TEAD4: variants seen among roughly 807,000 people sequenced by gnomAD.
TEAD4 encodes the protein transcriptional enhancer factor TEF-3.
TEAD4 carries 36 observed loss-of-function variants against 52.4 expected under a neutral mutation model. The observed-to-expected ratio is 0.69, with a 90% confidence interval of 0.53 to 0.91. TEAD4 has a LOEUF of 0.91. TEAD4 is among the 40% of genes least tolerant of loss of function. TEAD4 has a pLI of 0.00. For missense variants in TEAD4, 508 were observed against 583.9 expected (o/e 0.87, Z 1.34); for synonymous variants, 220 against 231.0 (o/e 0.95, Z 0.43).
Position 2,972,439 on chromosome 12 carries a change from G to T in TEAD4, c.-30+12399G>T, listed in dbSNP as rs117527310. On this transcript the variant is annotated intron_variant, in intron 2 of 12. Coordinates refer to ENST00000359864, the MANE Select transcript of TEAD4 (RefSeq NM_003213.4). ...TAGGCCCTCTGGGCAGGATAAGAAG[G>T]TCTTATTTTACGTTCATTTTTTACG... Among the ~76,000 whole-genome samples, 78 of 147,288 alleles carry T rather than the reference G, an allele frequency of 5.3e-4. No individual in the cohort carries two copies. The East Asian group carries it at 0.015, about 29-fold the overall frequency.
At chr12:2,980,593 C>T (rs2098233375) in intron 2 of TEAD4, among the ~76,000 whole-genome samples, 9 of 152,040 alleles carry the variant, frequency 5.9e-5, no homozygotes, top group Admixed American at 5.9e-4. Flanking sequence ...ATTAGCTGGG[C>T]ATGGTGGTGC....
rs71057876 is a variant in TEAD4, at chr12:2,990,461, CTTTTTTTTTTTT to C, written c.-29-4261_-29-4250del. 9.8e-4 allele frequency among the ~76,000 whole-genome samples: 66 copies of C among 67,040 alleles called. 1 individual carries two copies. The highest frequency in any genetic ancestry group is 1.2e-3 in the East Asian group (2 of 1,730). The allele number at this position is 67,040 out of a possible 152,430, so 44.0% of individuals were successfully genotyped here. A position where few individuals can be genotyped will look rare whatever the true frequency, so the allele number is the denominator to read the frequency against. On this transcript the variant is annotated intron_variant, in intron 2 of 12. Coordinates refer to ENST00000359864, the MANE Select transcript of TEAD4 (RefSeq NM_003213.4). The stretch of plus-strand genomic sequence containing the variant: ...TAGAATTTAGGCTAAGACAGATAAT[CTTTTTTTTTTTT>C]TTTTTTTTTTTTTTTGAGATGGAGT...
chr12:2,967,614 T>A (rs1323427863), intron 2 of TEAD4, among the ~76,000 whole-genome samples: 2 of 152,142 alleles, frequency 1.3e-5, no homozygotes, highest in Non-Finnish European at 2.9e-5. Context: ...TCTTCATTCA[T>A]GTTGAGGGAA....
intron 2 of TEAD4, among the ~76,000 whole-genome samples, chr12:2,990,145 G>A (rs1894790): frequency 0.96 from 145,811 of 152,274 alleles, 70,137 homozygotes; most frequent in Middle Eastern, 1. Context: ...CCAACCATTG[G>A]GTTTTTAATT....
Position 3,010,606 on chromosome 12 carries a change from G to A in TEAD4, c.227-398G>A, listed in dbSNP as rs549812000. The stretch of plus-strand genomic sequence containing the variant: ...CACGGTGGCAGTCACACAGGGCAAG[G>A]CCGAGGGCCGGGCAGCTCCCTGGAG... On this transcript the variant is annotated intron_variant, in intron 3 of 12. Transcript: ENST00000359864. 3.9e-5 allele frequency among the ~76,000 whole-genome samples: 6 copies of A among 152,332 alleles called. No homozygotes were observed. The South Asian group carries it at 1.0e-3, about 26-fold the overall frequency.
intron 2 of TEAD4, among the ~76,000 whole-genome samples, chr12:2,985,581 C>G (rs1173173168): frequency 2.2e-5 from 3 of 134,232 alleles, no homozygotes; most frequent in Non-Finnish European, 4.6e-5. Context: ...TCTCGGCTCA[C>G]TGCAACCTCC....
At chr12:3,010,581 C>T (rs2098259464) in intron 3 of TEAD4, among the ~76,000 whole-genome samples, 1 of 152,246 alleles carries the variant, frequency 6.6e-6, no homozygotes, top group African/African-American at 2.4e-5. Flanking sequence ...AGGCGGAGGG[C>T]ACGGTGGCAG....
intron 5 of TEAD4, 96 bp downstream of exon 5, chr12:3,012,328 G>A: frequency 7.4e-7 from 1 of 1,347,556 alleles, no homozygotes; most frequent in Non-Finnish European, 1.0e-6. Context: ...TGGTGTGCAA[G>A]TCAGTGTGCT....
At chr12:3,026,227 C>G (rs946051267) in intron 10 of TEAD4, among the ~76,000 whole-genome samples, 4 of 152,158 alleles carry the variant, frequency 2.6e-5, no homozygotes, top group African/African-American at 9.7e-5. Context: ...TTATCCTCTA[C>G]GATTTTTACC....
intron 2 of TEAD4, among the ~76,000 whole-genome samples, chr12:2,993,535 A>G (rs972966645): frequency 1.3e-5 from 2 of 152,090 alleles, no homozygotes; most frequent in African/African-American, 4.8e-5. Flanking sequence ...CAGTGGCGCA[A>G]TCATGGCTAA....
intron 3 of TEAD4, among the ~76,000 whole-genome samples, chr12:3,005,214 G>A (rs2098254876): frequency 6.6e-6 from 1 of 152,258 alleles, no homozygotes; most frequent in Non-Finnish European, 1.5e-5. Flanking sequence ...GGAGGCTGGG[G>A]CGGGCATGAC....
At chr12:2,999,344 C>T (rs774267513) in intron 3 of TEAD4, among the ~76,000 whole-genome samples, 37 of 152,262 alleles carry the variant, frequency 2.4e-4, no homozygotes, top group Middle Eastern at 3.4e-3. Context: ...CCAAGTGGGC[C>T]GGCCCGGTGG....
At chr12:3,007,456 G>C (rs989506388) in intron 3 of TEAD4, among the ~76,000 whole-genome samples, 6 of 152,198 alleles carry the variant, frequency 3.9e-5, no homozygotes, top group African/African-American at 1.4e-4. Context: ...CAGTTCTCTG[G>C]CAAATAGGTA....
chr12:3,031,223 T>C (rs1056844176), intron 10 of TEAD4, among the ~76,000 whole-genome samples: 2 of 152,136 alleles, frequency 1.3e-5, no homozygotes, highest in African/African-American at 4.8e-5. Context: ...GCCTTCACCC[T>C]TGCTTGAGCA....
chr12:2,994,615 T>G lies in TEAD4; in HGVS notation c.-29-123T>G, dbSNP rs1185056783. ...CCCCAGGCCTGATTCTCACAGATCT[T>G]TCACTTCACGCTTTGCTTCCTGAGC... On this transcript the variant is annotated intron_variant, in intron 2 of 12. Transcript: ENST00000359864. This position sits in a 1 kb window ranked among gnomAD's most constrained non-coding sequence, Gnocchi z 4.7. 7.7e-7 allele frequency: 1 copy of G among 1,305,930 alleles called. No individual in the cohort carries two copies. The highest frequency in any genetic ancestry group is 1.0e-6 in the Non-Finnish European group (1 of 984,118). 80.9% of individuals were successfully genotyped at this position (1,305,930 alleles called of 1,614,324 possible). A position where few individuals can be genotyped will look rare whatever the true frequency, so the allele number is the denominator to read the frequency against.
At chr12:3,000,722 T>G (rs983881333) in intron 3 of TEAD4, among the ~76,000 whole-genome samples, 4 of 152,122 alleles carry the variant, frequency 2.6e-5, no homozygotes, top group African/African-American at 9.7e-5. Context: ...CTTCACATGG[T>G]GGGTTTGGGG....
At chr12:2,970,345 T>C (rs2098224086) in intron 2 of TEAD4, among the ~76,000 whole-genome samples, 1 of 152,206 alleles carries the variant, frequency 6.6e-6, no homozygotes, top group Non-Finnish European at 1.5e-5. Flanking sequence ...GGTTTGAATC[T>C]CTGTTCTGCC....
intron 2 of TEAD4, among the ~76,000 whole-genome samples, chr12:2,984,441 C>T (rs181889251): frequency 1.6e-4 from 25 of 152,144 alleles, no homozygotes. Flanking sequence ...ATTCAGGAGA[C>T]ATGTAGGCGA....
rs146736234 is a variant in TEAD4 at position 2,977,784 on chromosome 12, A to G, written c.-29-16954A>G. Among the ~76,000 whole-genome samples the G allele has an allele frequency of 4.9e-4, 74 of 152,192 alleles. No homozygotes were observed. The East Asian group carries it at 0.011, about 24-fold the overall frequency. ...AGAACTTGTTGCATTTCAGGAGAGG[A>G]AGGGGCACTGCTCAGCAAGAGGAAG... On this transcript the variant is annotated intron_variant, in intron 2 of 12. Transcript: ENST00000359864.
Sources: allele counts gnomAD v4.1 joint callset (sites outside exome capture counted in the v4.1 genomes callset), GRCh38; gene constraint gnomAD v4.1.1; non-coding constraint Gnocchi (gnomAD v3.1); transcripts MANE v1.5; gene names NCBI Gene and HGNC (gene_info 2026-07-23, HGNC 2026-07-21).